Variants in ENTREP1 observed in about 807,000 individuals in gnomAD.
ENTREP1 encodes the protein Friedreich ataxia region gene X123.
At chr9:69,337,987 TTG>T in the ENTREP1 span, among the ~76,000 whole-genome samples, 1 of 152,166 alleles carries the variant, frequency 6.6e-6, no homozygotes, top group Non-Finnish European at 1.5e-5. Context: ...TGCGGAATCT[TTG>T]TGTGTCAGAA....
chr9:69,384,900 A>ATT, the ENTREP1 span, among the ~76,000 whole-genome samples: 1 of 151,430 alleles, frequency 6.6e-6, no homozygotes, highest in African/African-American at 2.4e-5. Context: ...TAATTTTTCC[A>ATT]TTTTTTTTTT....
the ENTREP1 span, among the ~76,000 whole-genome samples, chr9:69,336,676 C>T: frequency 1.3e-5 from 2 of 151,990 alleles, no homozygotes; most frequent in East Asian, 3.9e-4. Flanking sequence ...CACTCATTTC[C>T]TCTCATATTC....
chr9:69,386,126 C>G, the ENTREP1 span: 1 of 476,872 alleles, frequency 2.1e-6, no homozygotes, highest in African/African-American at 2.0e-5. Context: ...ATATATCTAC[C>G]ATGTCTTTTA....
chr9:69,355,004 T>G, the ENTREP1 span, among the ~76,000 whole-genome samples: 40 of 152,338 alleles, frequency 2.6e-4, no homozygotes, highest in East Asian at 1.2e-3. Context: ...TATACTGTGA[T>G]GAATTATTAC....
chr9:69,385,785 TTTAA>T, the ENTREP1 span: 3 of 1,047,028 alleles, frequency 2.9e-6, no homozygotes, highest in South Asian at 4.1e-5. Flanking sequence ...TTTTTTTTTT[TTTAA>T]ATCAGATGGG....
chr9:69,338,873 G>A, the ENTREP1 span, among the ~76,000 whole-genome samples: 2 of 152,154 alleles, frequency 1.3e-5, no homozygotes, highest in Admixed American at 1.3e-4. Context: ...TTAGAAGGTC[G>A]CATAGAGATT....
the ENTREP1 span, chr9:69,387,843 G>T: frequency 8.0e-7 from 1 of 1,243,754 alleles, no homozygotes; most frequent in African/African-American, 1.5e-5. Context: ...CCATCTATTT[G>T]TCATACCCCA....
the ENTREP1 span, among the ~76,000 whole-genome samples, chr9:69,361,157 T>C: frequency 6.6e-6 from 1 of 152,164 alleles, no homozygotes; most frequent in Non-Finnish European, 1.5e-5. Context: ...TATGGTACCA[T>C]GCACAGATCT....
the ENTREP1 span, chr9:69,375,966 A>C: frequency 3.8e-6 from 5 of 1,299,084 alleles, no homozygotes; most frequent in African/African-American, 7.4e-5. Flanking sequence ...TCCCTCAAAC[A>C]ATTAAGCTGC....
At chr9:69,353,665 CCTTTGTAA>C in the ENTREP1 span, among the ~76,000 whole-genome samples, 1 of 152,130 alleles carries the variant, frequency 6.6e-6, no homozygotes, top group Non-Finnish European at 1.5e-5. Flanking sequence ...TTAATCAAAA[CCTTTGTAA>C]CTGAAGTATG....
the ENTREP1 span, chr9:69,377,345 T>A: frequency 7.8e-7 from 1 of 1,280,230 alleles, no homozygotes; most frequent in Non-Finnish European, 1.1e-6. Context: ...AAGTACTTAG[T>A]GGTGCCATTG....
At chr9:69,363,441 C>A in the ENTREP1 span, among the ~76,000 whole-genome samples, 2 of 152,158 alleles carry the variant, frequency 1.3e-5, no homozygotes, top group Admixed American at 1.3e-4. Flanking sequence ...ATCAGTCAAG[C>A]TCCCAGCAGG....
At chr9:69,341,390 G>T in the ENTREP1 span, among the ~76,000 whole-genome samples, 2 of 152,024 alleles carry the variant, frequency 1.3e-5, no homozygotes, top group African/African-American at 4.8e-5. Context: ...TTTAAAAAAT[G>T]GTCTTTCAGT....
the ENTREP1 span, among the ~76,000 whole-genome samples, chr9:69,339,372 A>T: frequency 1.3e-5 from 2 of 152,104 alleles, no homozygotes; most frequent in Non-Finnish European, 2.9e-5. Context: ...TGCTTGTGTT[A>T]TGTCACAAAA....
At chr9:69,361,344 T>C in the ENTREP1 span, among the ~76,000 whole-genome samples, 2 of 152,158 alleles carry the variant, frequency 1.3e-5, no homozygotes, top group Non-Finnish European at 2.9e-5. Context: ...CATAGGTTAT[T>C]TTTATGTGTT....
the ENTREP1 span, among the ~76,000 whole-genome samples, chr9:69,390,323 C>G: frequency 2.6e-5 from 4 of 152,116 alleles, no homozygotes; most frequent in African/African-American, 7.2e-5. Flanking sequence ...TGTTAGGTAA[C>G]AATAAAGCCC....
At chr9:69,327,987 G>GA in the ENTREP1 span, among the ~76,000 whole-genome samples, 2 of 152,146 alleles carry the variant, frequency 1.3e-5, no homozygotes, top group Non-Finnish European at 2.9e-5. Context: ...TGCTTTAGGG[G>GA]AAAAAAGCCT....
the ENTREP1 span, among the ~76,000 whole-genome samples, chr9:69,356,161 C>T: frequency 6.6e-6 from 1 of 152,192 alleles, no homozygotes; most frequent in Non-Finnish European, 1.5e-5. Flanking sequence ...TCCGTGGCAA[C>T]CACTATTCTA....
chr9:69,389,241 CTG>C, the ENTREP1 span, among the ~76,000 whole-genome samples: 1 of 152,180 alleles, frequency 6.6e-6, no homozygotes, highest in Admixed American at 6.5e-5. Flanking sequence ...TTTTGTGGCT[CTG>C]TGTCTTTGGG....
Sources: gnomAD v4.1 joint callset for allele counts (sites outside exome capture counted in the v4.1 genomes callset) on GRCh38, gnomAD v4.1.1 for gene constraint, MANE v1.5 for transcripts, NCBI Gene and HGNC (gene_info 2026-07-23, HGNC 2026-07-21) for gene names.